CLASP2: variants seen among roughly 807,000 people sequenced by gnomAD.
CLASP2 encodes the protein CLIP-associating protein 2.
A neutral mutation model predicts 194.4 loss-of-function variants in CLASP2; 47 were observed. The observed-to-expected ratio is 0.24, with a 90% CI of 0.19 to 0.31. CLASP2 has a LOEUF of 0.31. Among genes scored for constraint, CLASP2 ranks in the 10% least tolerant of loss-of-function variants. The pLI, the probability that CLASP2 is intolerant of heterozygous loss-of-function variation, is 1.00. For missense variants in CLASP2, 1,445 were observed against 1,823.6 expected, an observed-to-expected ratio of 0.79 and a Z score of 3.78; for synonymous variants, 619 against 633.5, an observed-to-expected ratio of 0.98 and a Z score of 0.34.
At chr3:33,609,057 A>C (rs2074544919) in intron 13 of CLASP2, among the ~76,000 whole-genome samples, 1 of 152,134 alleles carries the variant, frequency 6.6e-6, no homozygotes, top group African/African-American at 2.4e-5. Flanking sequence ...AGGTGGGTGG[A>C]TCACTTGAGG....
intron 6 of CLASP2, 114 bp downstream of exon 6, chr3:33,684,245 C>CA (rs904473406): frequency 2.4e-4 from 129 of 547,782 alleles, no homozygotes; most frequent in Admixed American, 5.2e-4. Flanking sequence ...GACTCCATCT[C>CA]AAAAAAATAA....
chr3:33,632,529 AG>A (rs2079279145), intron 8 of CLASP2, among the ~76,000 whole-genome samples, 158 bp from the exon 9 acceptor site: 1 of 152,230 alleles, frequency 6.6e-6, no homozygotes, highest in South Asian at 2.1e-4. Flanking sequence ...TCCAACTTTC[AG>A]AAAGGTCAAT....
At chr3:33,520,540 G>A (rs2052710991) in intron 34 of CLASP2, among the ~76,000 whole-genome samples, 1 of 152,152 alleles carries the variant, frequency 6.6e-6, no homozygotes, top group Admixed American at 6.6e-5. Flanking sequence ...AGTGGAATAA[G>A]AAGGGCATTC....
intron 34 of CLASP2, among the ~76,000 whole-genome samples, chr3:33,518,930 C>T (rs909044491): frequency 2.0e-5 from 3 of 152,144 alleles, no homozygotes; most frequent in African/African-American, 7.2e-5. Context: ...GCACCATGGT[C>T]AAGTGAAAAG....
At chr3:33,696,657 G>T (rs747395010) in intron 2 of CLASP2, among the ~76,000 whole-genome samples, 198 bp downstream of exon 2, 1 of 151,804 alleles carries the variant, frequency 6.6e-6, no homozygotes, top group Non-Finnish European at 1.5e-5. Context: ...GTAGAGACAC[G>T]GTTTTGCCAT....
At chr3:33,702,104 A>C (rs2092414359) in intron 1 of CLASP2, among the ~76,000 whole-genome samples, 1 of 152,174 alleles carries the variant, frequency 6.6e-6, no homozygotes, top group African/African-American at 2.4e-5. Flanking sequence ...TCTGATAGCC[A>C]ACTGGGTTCA....
intron 5 of CLASP2, among the ~76,000 whole-genome samples, chr3:33,685,809 G>A (rs972343332): frequency 1.3e-5 from 2 of 151,886 alleles, no homozygotes; most frequent in African/African-American, 2.4e-5. Flanking sequence ...AGCTGGGGAG[G>A]GGGAGGGGGC....
intron 34 of CLASP2, among the ~76,000 whole-genome samples, chr3:33,522,677 T>C (rs2053459724): frequency 6.6e-6 from 1 of 152,022 alleles, no homozygotes. Flanking sequence ...TTCATGAAAA[T>C]AATGTATGAA....
At chr3:33,707,869 C>T (rs2092768567) in intron 1 of CLASP2, among the ~76,000 whole-genome samples, 1 of 152,086 alleles carries the variant, frequency 6.6e-6, no homozygotes, top group South Asian at 2.1e-4. Flanking sequence ...TTAAAAGAGA[C>T]TTAATAAATA....
intron 36 of CLASP2, 70 bp from the exon 37 acceptor site, chr3:33,510,834 C>T: frequency 1.5e-6 from 2 of 1,312,560 alleles, no homozygotes; most frequent in Admixed American, 4.4e-5. Flanking sequence ...GAAGTATAAA[C>T]TTCATGAAGT....
At chr3:33,606,521 A>T in intron 16 of CLASP2, 70 bp downstream of exon 16, 6 of 1,238,998 alleles carry the variant, frequency 4.8e-6, no homozygotes, top group African/African-American at 3.0e-5. Flanking sequence ...ATATTCAAGT[A>T]TCCAACTTAT....
chr3:33,681,915 T>C (rs542096342), intron 6 of CLASP2, among the ~76,000 whole-genome samples: 1 of 152,294 alleles, frequency 6.6e-6, no homozygotes, highest in African/African-American at 2.4e-5. Flanking sequence ...CTCCCTAGGT[T>C]AGTTCCTAGG....
At chr3:33,660,076 T>C (rs989562124) in intron 7 of CLASP2, among the ~76,000 whole-genome samples, 7 of 152,234 alleles carry the variant, frequency 4.6e-5, no homozygotes, top group Non-Finnish European at 1.0e-4. Flanking sequence ...CATTAGGTCC[T>C]AAACACACAC....
chr3:33,538,225 T>C (rs2057739238), intron 33 of CLASP2, among the ~76,000 whole-genome samples: 1 of 152,218 alleles, frequency 6.6e-6, no homozygotes, highest in Non-Finnish European at 1.5e-5. Flanking sequence ...GTTTTCTTCC[T>C]AGTCCTCAAC....
In CLASP2 at chr3:33,622,281, C is replaced by A; in HGVS notation, c.1036-1G>T. On this transcript the variant is annotated splice_acceptor_variant, in intron 10 of 38. Transcript: ENST00000682230. LOFTEE classifies it high-confidence loss of function. Reference sequence around the variant, plus strand: ...CAAGCAGTGATCGAATTTTCTTCAGCTGAAATAAAGAATTTTCATTATTGA... The same window carrying A: ...CAAGCAGTGATCGAATTTTCTTCAGATGAAATAAAGAATTTTCATTATTGA... 1 of 1,454,608 alleles carries A rather than the reference C, an allele frequency of 6.9e-7. No homozygotes were observed. The highest frequency in any genetic ancestry group is 9.1e-7 in the Non-Finnish European group (1 of 1,096,602). 90.1% of individuals were successfully genotyped at this position (1,454,608 alleles called of 1,614,324 possible). A position where few individuals can be genotyped will look rare whatever the true frequency, so the allele number is the denominator to read the frequency against.
rs548312347 is a variant in CLASP2 at position 33,659,996 on chromosome 3, C to A, written c.715+3449G>T. On this transcript the variant is annotated intron_variant, in intron 7 of 38. Transcript: ENST00000682230. ...TTATTGCCAGCCTCCAAGAACAATT[C>A]TTTTCCTAGCAACTGTTTCAAACAG... Among the ~76,000 whole-genome samples, 14 of 152,290 alleles carry A rather than the reference C, an allele frequency of 9.2e-5. No individual in the cohort carries two copies. The East Asian group carries it at 2.3e-3, about 25-fold the overall frequency.
intron 28 of CLASP2, among the ~76,000 whole-genome samples, chr3:33,560,239 CTT>C (rs902874876): frequency 6.9e-6 from 1 of 145,538 alleles, no homozygotes; most frequent in African/African-American, 2.5e-5. Flanking sequence ...GCTGATACTT[CTT>C]TTTTTTTTTT....
At chr3:33,551,432 T>C (rs1365490144) in intron 29 of CLASP2, 37 bp from the exon 30 acceptor site, 1 of 1,593,380 alleles carries the variant, frequency 6.3e-7, no homozygotes, top group East Asian at 2.2e-5. Flanking sequence ...GACAGAAAGA[T>C]GGTTATTGTG....
chr3:33,701,390 G>A (rs192590990), intron 1 of CLASP2, among the ~76,000 whole-genome samples: 20 of 152,332 alleles, frequency 1.3e-4, no homozygotes, highest in African/African-American at 1.9e-4. Context: ...CAAGAGGATC[G>A]CTGGAGACCT....
Sources: allele counts gnomAD v4.1 joint callset (sites outside exome capture counted in the v4.1 genomes callset), GRCh38; gene constraint gnomAD v4.1.1; transcripts MANE v1.5; gene names NCBI Gene and HGNC (gene_info 2026-07-23, HGNC 2026-07-21).